Variants in MINAR2 observed in about 807,000 individuals in gnomAD.
The protein encoded by MINAR2 is membrane integral NOTCH2 associated receptor 2.
In MINAR2, 21 loss-of-function variants were observed where a neutral mutation model predicts 16.1. That is an observed-to-expected ratio of 1.31 (90% confidence interval 0.93 to 1.88). MINAR2 has a LOEUF of 1.88. Ranked by LOEUF, MINAR2 falls within the 40% of genes most tolerant of loss-of-function variation. The pLI, the probability that MINAR2 is intolerant of heterozygous loss-of-function variation, is 0.00. For missense variants in MINAR2, 259 were observed against 229.8 expected, an observed-to-expected ratio of 1.13 and a Z score of -0.82; for synonymous variants, 86 against 83.0, an observed-to-expected ratio of 1.04 and a Z score of -0.20.
intron 2 of MINAR2, 21 bp from the exon 3 acceptor site, chr5:129,764,863 C>T (rs944467230): frequency 7.9e-7 from 1 of 1,258,010 alleles, no homozygotes; most frequent in Non-Finnish European, 1.0e-6. Flanking sequence ...TAATCATATT[C>T]TCTATGTAAT....
chr5:129,755,019 T>C (rs1410687947), intron 1 of MINAR2, among the ~76,000 whole-genome samples: 1 of 152,102 alleles, frequency 6.6e-6, no homozygotes, highest in African/African-American at 2.4e-5. Flanking sequence ...TTAAGAAAAT[T>C]TTCTACTAGT....
At chr5:129,755,032 T>A (rs1758037582) in intron 1 of MINAR2, among the ~76,000 whole-genome samples, 1 of 152,154 alleles carries the variant, frequency 6.6e-6, no homozygotes, top group African/African-American at 2.4e-5. Flanking sequence ...CTACTAGTTC[T>A]AGTTCACTAA....
At chr5:129,756,205 G>A (rs1342199018) in intron 1 of MINAR2, among the ~76,000 whole-genome samples, 1 of 151,948 alleles carries the variant, frequency 6.6e-6, no homozygotes, top group African/African-American at 2.4e-5. Flanking sequence ...AATTTAACAT[G>A]CTATCAATTT....
At chr5:129,755,517 G>T (rs963874560) in intron 1 of MINAR2, among the ~76,000 whole-genome samples, 6 of 88,448 alleles carry the variant, frequency 6.8e-5, no homozygotes, top group Middle Eastern at 5.0e-3. Flanking sequence ...ATTATCACAG[G>T]TTTGTTAATT....
intron 1 of MINAR2, among the ~76,000 whole-genome samples, chr5:129,753,577 C>A (rs1201550129): frequency 1.3e-5 from 2 of 150,720 alleles, no homozygotes; most frequent in Non-Finnish European, 2.9e-5. Context: ...CATGGTGAAA[C>A]CCCGTCTCTA....
chr5:129,754,450 A>T (rs1318609610), intron 1 of MINAR2, among the ~76,000 whole-genome samples: 1 of 152,210 alleles, frequency 6.6e-6, no homozygotes, highest in Non-Finnish European at 1.5e-5. Context: ...CACTAAGATT[A>T]TGATAAGGAT....
At chr5:129,759,451 T>C (rs1758099169) in intron 1 of MINAR2, among the ~76,000 whole-genome samples, 1 of 152,148 alleles carries the variant, frequency 6.6e-6, no homozygotes. Context: ...TGAACAAATT[T>C]TTAATTTCTA....
intron 1 of MINAR2, 101 bp downstream of exon 1, chr5:129,748,456 T>C (rs1046610711): frequency 1.7e-6 from 2 of 1,210,646 alleles, no homozygotes; most frequent in African/African-American, 3.1e-5. Flanking sequence ...AGGAACAGAG[T>C]ACAAGGTAGC....
At position 129,766,634 on chromosome 5, in the gene MINAR2, T is replaced by TAAAAAAAAAAAAAAAAAACAAAAAA. The variant is rs1758218619; in HGVS notation, c.*1589_*1590insCAAAAAAAAAAAAAAAAAAAAAAAA. Reference sequence around the variant, plus strand: ...CCTGGGTGACAGAGTGAGACTTCCATAAAAAAAAAAAAAAAAAAAAAACAA... The same window carrying TAAAAAAAAAAAAAAAAAACAAAAAA: ...CCTGGGTGACAGAGTGAGACTTCCATAAAAAAAAAAAAAAAAAACAAAAAAAAAAAAAAAAAAAAAAAAAAAACAA... On this transcript the variant is annotated 3_prime_UTR_variant, in exon 3 of 3. Transcript: ENST00000564719. The TAAAAAAAAAAAAAAAAAACAAAAAA allele has an allele frequency of 9.7e-6, 1 of 103,562 alleles. No homozygotes were observed. The highest frequency in any genetic ancestry group is 1.8e-5 in the Non-Finnish European group (1 of 56,838). The allele number at this position is 103,562 out of a possible 1,614,324, so 6.4% of individuals were successfully genotyped here. A position where few individuals can be genotyped will look rare whatever the true frequency, so the allele number is the denominator to read the frequency against.
In MINAR2 at chr5:129,760,522, G is replaced by A. The variant is rs150183188; in HGVS notation, c.310G>A (p.Glu104Lys). 333 of 1,535,652 alleles carry A rather than the reference G, an allele frequency of 2.2e-4. No homozygotes were observed. The African/African-American group carries it at 3.9e-3, about 18-fold the overall frequency. ...TGACCTAAGTTTGGAGGAAGCTATG[G>A]AAGAAAGAAAAAAGAACCCCTCATG... ...YGDLSLEEAM[E>K]ERKKNPSWTI... The change falls in exon 2 of 3, where the codon GAA (glutamate) becomes AAA (lysine). Residue 104 changes from glutamate to lysine, a missense_variant. Glu to Lys is a moderately conservative substitution (Grantham distance 56). Coordinates refer to ENST00000564719, the MANE Select transcript of MINAR2 (RefSeq NM_001257308.2).
intron 1 of MINAR2, among the ~76,000 whole-genome samples, chr5:129,752,117 G>T (rs1757992623): frequency 6.6e-6 from 1 of 152,334 alleles, no homozygotes; most frequent in East Asian, 1.9e-4. Flanking sequence ...CTTTTACACT[G>T]TTGGTGGGAA....
rs1394619494 is a variant in MINAR2 at position 129,758,077 on chromosome 5, A to G, written c.166-2301A>G. 2.0e-5 allele frequency among the ~76,000 whole-genome samples: 3 copies of G among 152,148 alleles called. No individual in the cohort carries two copies. The East Asian group carries it at 5.8e-4, about 29-fold the overall frequency. ...ACAGAGTATATAATGATTAAAGTGT[A>G]TAAATGATAAATGAATAAAGTTATG... On this transcript the variant is annotated intron_variant, in intron 1 of 2. Transcript: ENST00000564719.
At chr5:129,751,357 C>T (rs1440914354) in intron 1 of MINAR2, among the ~76,000 whole-genome samples, 3 of 152,014 alleles carry the variant, frequency 2.0e-5, no homozygotes, top group South Asian at 2.1e-4. Context: ...TACAGGCACC[C>T]GCCACCATGC....
chr5:129,749,679 C>A (rs1051514322), intron 1 of MINAR2, among the ~76,000 whole-genome samples: 1 of 152,022 alleles, frequency 6.6e-6, no homozygotes, highest in African/African-American at 2.4e-5. Context: ...AAAACTTGGC[C>A]CTTCTATGCT....
chr5:129,749,505 A>G (rs1315460908), intron 1 of MINAR2, among the ~76,000 whole-genome samples: 2 of 152,216 alleles, frequency 1.3e-5, no homozygotes, highest in Non-Finnish European at 2.9e-5. Context: ...TCACTTTGGT[A>G]ATCCTCAAAC....
rs1487589245 is a variant in MINAR2 at position 129,749,339 on chromosome 5, T to A, written c.165+984T>A. 3.3e-5 allele frequency among the ~76,000 whole-genome samples: 5 copies of A among 152,214 alleles called. No homozygotes were observed. In the South Asian group the frequency reaches 6.2e-4, roughly 19 times the overall value. On this transcript the variant is annotated intron_variant, in intron 1 of 2. Transcript: ENST00000564719. The stretch of plus-strand genomic sequence containing the variant: ...TGTAAAGTGACTCCTTTGTGGTAAG[T>A]TTGTGGGCTCCTTGGGACCTTTATC...
At chr5:129,764,852 T>C (rs1334894226) in intron 2 of MINAR2, 32 bp from the exon 3 acceptor site, 2 of 1,179,098 alleles carry the variant, frequency 1.7e-6, no homozygotes, top group Non-Finnish European at 1.1e-6. Flanking sequence ...TGATTACTGA[T>C]TAATCATATT....
intron 1 of MINAR2, among the ~76,000 whole-genome samples, chr5:129,758,233 G>A (rs1282716808): frequency 6.6e-6 from 1 of 151,940 alleles, no homozygotes; most frequent in Admixed American, 6.6e-5. Context: ...TCTGGTAAAT[G>A]TATTCTTTCT....
intron 2 of MINAR2, among the ~76,000 whole-genome samples, chr5:129,763,157 C>T (rs1183767504): frequency 2.0e-5 from 3 of 152,148 alleles, no homozygotes; most frequent in Non-Finnish European, 1.5e-5. Context: ...CCCTCCCCTA[C>T]CCAGTCCTCT....
Sources: allele counts gnomAD v4.1 joint callset (sites outside exome capture counted in the v4.1 genomes callset), GRCh38; gene constraint gnomAD v4.1.1; transcripts MANE v1.5; gene names NCBI Gene and HGNC (gene_info 2026-07-23, HGNC 2026-07-21).